Variants in PLCXD3 observed in about 807,000 individuals in gnomAD.
The protein encoded by PLCXD3 is phosphatidylinositol specific phospholipase C X domain containing 3, also known as PI-PLC X domain-containing protein 3.
A neutral mutation model predicts 25.5 loss-of-function variants in PLCXD3; 19 were observed. The observed-to-expected ratio is 0.75, with a 90% CI of 0.52 to 1.09. The LOEUF is 1.09. Ranked by LOEUF, PLCXD3 falls within the 50% of genes least tolerant of loss-of-function variation. PLCXD3 has a pLI of 0.00. For missense variants in PLCXD3, 411 were observed against 388.1 expected, an observed-to-expected ratio of 1.06 and a Z score of -0.50; for synonymous variants, 174 against 137.6, an observed-to-expected ratio of 1.26 and a Z score of -1.85.
At chr5:41,366,561 T>A (rs1241079374) in intron 2 of PLCXD3, among the ~76,000 whole-genome samples, 2 of 152,208 alleles carry the variant, frequency 1.3e-5, no homozygotes, top group African/African-American at 4.8e-5. Context: ...TGTTAATACT[T>A]ATTTTCAAAC....
At chr5:41,430,748 G>A (rs577983013) in intron 1 of PLCXD3, among the ~76,000 whole-genome samples, 1 of 152,062 alleles carries the variant, frequency 6.6e-6, no homozygotes, top group Non-Finnish European at 1.5e-5. Flanking sequence ...CATAATTTGA[G>A]GATATAAATT....
intron 2 of PLCXD3, among the ~76,000 whole-genome samples, chr5:41,377,100 G>A (rs932503752): frequency 8.6e-5 from 13 of 152,002 alleles, no homozygotes; most frequent in Admixed American, 2.6e-4. Context: ...GTGAATAAAC[G>A]GATAGATAGA....
chr5:41,359,571 C>T (rs1744716820), intron 2 of PLCXD3, among the ~76,000 whole-genome samples: 2 of 152,170 alleles, frequency 1.3e-5, no homozygotes, highest in Admixed American at 1.3e-4. Flanking sequence ...GTTGCAATAT[C>T]TCCCATTTCA....
chr5:41,445,001 G>T (rs555415744), intron 1 of PLCXD3, among the ~76,000 whole-genome samples: 1 of 152,188 alleles, frequency 6.6e-6, no homozygotes, highest in East Asian at 1.9e-4. Context: ...ATGCTCTTTT[G>T]TCAACATATA....
chr5:41,331,720 G>T (rs977827282), intron 2 of PLCXD3, among the ~76,000 whole-genome samples: 3 of 152,130 alleles, frequency 2.0e-5, no homozygotes, highest in African/African-American at 7.2e-5. Context: ...AACCAAAACA[G>T]CATGGTACTG....
At chr5:41,445,934 TCC>T (rs1419239981) in intron 1 of PLCXD3, among the ~76,000 whole-genome samples, 1 of 151,772 alleles carries the variant, frequency 6.6e-6, no homozygotes, top group Non-Finnish European at 1.5e-5. Context: ...ACGCCTGTAA[TCC>T]CAGCACTTTG....
chr5:41,438,340 G>A (rs556869909), intron 1 of PLCXD3, among the ~76,000 whole-genome samples: 2 of 152,168 alleles, frequency 1.3e-5, no homozygotes, highest in Admixed American at 6.5e-5. Context: ...GGTCCCCTGC[G>A]AAACCCCACT....
intron 2 of PLCXD3, among the ~76,000 whole-genome samples, chr5:41,372,101 T>G (rs746567498): frequency 1.3e-5 from 2 of 149,620 alleles, no homozygotes; most frequent in Non-Finnish European, 1.5e-5. Flanking sequence ...TCCTTTCAAC[T>G]TTTTTTTGTG....
At chr5:41,403,279 TC>T (rs1746240843) in intron 1 of PLCXD3, among the ~76,000 whole-genome samples, 1 of 136,662 alleles carries the variant, frequency 7.3e-6, no homozygotes, top group Non-Finnish European at 1.6e-5. Flanking sequence ...AAAGAGGAAC[TC>T]TTTTTTTTTT....
intron 1 of PLCXD3, among the ~76,000 whole-genome samples, chr5:41,413,745 G>T (rs1746622611): frequency 6.6e-6 from 1 of 152,062 alleles, no homozygotes; most frequent in Admixed American, 6.5e-5. Context: ...TAATCTCCCA[G>T]TGTGAGTAGG....
chr5:41,460,860 T>C (rs1003550029), intron 1 of PLCXD3, among the ~76,000 whole-genome samples: 1 of 151,902 alleles, frequency 6.6e-6, no homozygotes, highest in Non-Finnish European at 1.5e-5. Flanking sequence ...GAATTGTGAA[T>C]TTTTTTTCTT....
intron 1 of PLCXD3, among the ~76,000 whole-genome samples, chr5:41,383,728 A>G (rs1745552491): frequency 6.6e-6 from 1 of 152,010 alleles, no homozygotes; most frequent in South Asian, 2.1e-4. Context: ...CTTGAGGCAT[A>G]TCTTTTCCTA....
chr5:41,493,274 C>A (rs532548997), intron 1 of PLCXD3, among the ~76,000 whole-genome samples: 15 of 152,312 alleles, frequency 9.8e-5, no homozygotes, highest in African/African-American at 3.6e-4. Context: ...ATGCTGCTGT[C>A]TGATCGTTCC....
intron 1 of PLCXD3, among the ~76,000 whole-genome samples, chr5:41,489,043 T>A (rs1471770882): frequency 6.6e-6 from 1 of 152,232 alleles, no homozygotes; most frequent in Non-Finnish European, 1.5e-5. Context: ...GGTTTTCTTC[T>A]AGGGTTTTTA....
intron 1 of PLCXD3, among the ~76,000 whole-genome samples, chr5:41,384,565 G>C (rs909607828): frequency 2.6e-5 from 4 of 151,906 alleles, no homozygotes; most frequent in African/African-American, 9.7e-5. Context: ...ATTATACTTG[G>C]AGGCAGGCAA....
Position 41,333,173 on chromosome 5 carries a change from C to T in PLCXD3, c.813-19403G>A, listed in dbSNP as rs1191619194. On this transcript the variant is annotated intron_variant, in intron 2 of 2. Transcript: ENST00000377801. The stretch of plus-strand genomic sequence containing the variant: ...CAAAAACGTCAATGGCTTGTGACTG[C>T]CCGTCCCAACCCAGCCTAAGAAATG... 2.6e-5 allele frequency among the ~76,000 whole-genome samples: 4 copies of T among 151,876 alleles called. No homozygotes were observed. The East Asian group carries it at 7.7e-4, about 29-fold the overall frequency.
intron 1 of PLCXD3, among the ~76,000 whole-genome samples, chr5:41,499,561 A>G (rs180918164): frequency 5.7e-4 from 87 of 151,886 alleles, no homozygotes; most frequent in Admixed American, 4.7e-3. Flanking sequence ...CTCAAATGTT[A>G]CCACTCCCCA....
At chr5:41,351,796 G>T (rs973406342) in intron 2 of PLCXD3, among the ~76,000 whole-genome samples, 5 of 152,090 alleles carry the variant, frequency 3.3e-5, no homozygotes, top group African/African-American at 1.2e-4. Flanking sequence ...AATGCCTATT[G>T]CACTTTAAGA....
At chr5:41,501,239 A>C (rs1019561471) in intron 1 of PLCXD3, among the ~76,000 whole-genome samples, 4 of 152,062 alleles carry the variant, frequency 2.6e-5, no homozygotes, top group Non-Finnish European at 5.9e-5. Flanking sequence ...GAGATCTTGA[A>C]TCGAGATCTC....
Sources: allele counts gnomAD v4.1 joint callset (sites outside exome capture counted in the v4.1 genomes callset), GRCh38; gene constraint gnomAD v4.1.1; transcripts MANE v1.5; gene names NCBI Gene and HGNC (gene_info 2026-07-23, HGNC 2026-07-21).